Variants in ROBO2 observed in about 807,000 individuals in gnomAD.
The protein encoded by ROBO2 is roundabout guidance receptor 2, also known as roundabout homolog 2.
Under a neutral mutation model 160.8 loss-of-function variants are expected in ROBO2, and 53 were observed. That is an observed-to-expected ratio of 0.33 (90% confidence interval 0.26 to 0.41). The LOEUF (loss-of-function observed/expected upper bound fraction) is 0.41, where lower values mean the gene tolerates loss of function less well. Ranked by LOEUF, ROBO2 falls within the 10% of genes least tolerant of loss-of-function variation. The probability of loss-of-function intolerance (pLI) is 1.00; values close to 1 mark genes in which losing one functional copy is unlikely to be tolerated. For missense variants in ROBO2, 1,577 were observed against 1,722.4 expected (o/e 0.92, Z 1.49); for synonymous variants, 664 against 611.7 (o/e 1.09, Z -1.26).
intron 15 of ROBO2, among the ~76,000 whole-genome samples, chr3:77,578,048 A>C (rs1292542345): frequency 6.6e-6 from 1 of 151,882 alleles, no homozygotes; most frequent in African/African-American, 2.4e-5. Flanking sequence ...GGCAGCACCG[A>C]CTCTCACTCT....
At chr3:76,455,454 T>TA in intron 2 of ROBO2, among the ~76,000 whole-genome samples, 1 of 151,992 alleles carries the variant, frequency 6.6e-6, no homozygotes, top group East Asian at 1.9e-4. Context: ...TTAGAAAAAA[T>TA]AAAAAGAGTA....
intron 2 of ROBO2, among the ~76,000 whole-genome samples, chr3:76,774,724 T>C (rs2062128570): frequency 6.6e-6 from 1 of 150,770 alleles, no homozygotes; most frequent in Non-Finnish European, 1.5e-5. Flanking sequence ...AATCTATGTT[T>C]TTAAAAGGCA....
At chr3:77,411,149 A>T (rs551672799) in intron 2 of ROBO2, among the ~76,000 whole-genome samples, 2 of 152,112 alleles carry the variant, frequency 1.3e-5, no homozygotes, top group African/African-American at 2.4e-5. Context: ...AGAAATAAAA[A>T]TGGCATCATT....
chr3:77,401,482 T>A (rs553582574), intron 2 of ROBO2, among the ~76,000 whole-genome samples: 1 of 152,288 alleles, frequency 6.6e-6, no homozygotes, highest in East Asian at 1.9e-4. Context: ...GATTTTGCAC[T>A]GTACATTTTG....
chr3:77,075,341 A>G (rs911600717), intron 1 of ROBO2, among the ~76,000 whole-genome samples: 27 of 152,158 alleles, frequency 1.8e-4, no homozygotes, highest in Non-Finnish European at 3.7e-4. Flanking sequence ...CATTGAGGCA[A>G]TTGGGAACTT....
At chr3:77,492,603 C>T (rs981902799) in intron 4 of ROBO2, among the ~76,000 whole-genome samples, 10 of 151,742 alleles carry the variant, frequency 6.6e-5, no homozygotes, top group African/African-American at 2.4e-4. Context: ...TTGGAGAAAA[C>T]CTCAAAAAAT....
chr3:76,549,981 G>C (rs1162625755), intron 2 of ROBO2, among the ~76,000 whole-genome samples: 1 of 152,136 alleles, frequency 6.6e-6, no homozygotes, highest in African/African-American at 2.4e-5. Context: ...CTACTGTCAG[G>C]CAGCTAATAA....
chr3:77,588,796 C>T (rs1315335837), exon 17 of ROBO2: 5 of 1,613,426 alleles, frequency 3.1e-6, no homozygotes. Flanking sequence ...AACAGCATAA[C>T]TGAGCAAATC....
intron 2 of ROBO2, among the ~76,000 whole-genome samples, chr3:77,103,939 T>C (rs1039904087): frequency 2.6e-5 from 4 of 152,200 alleles, no homozygotes; most frequent in African/African-American, 9.7e-5. Flanking sequence ...TTTTATTTTA[T>C]TTTGGCTGTA....
intron 16 of ROBO2, among the ~76,000 whole-genome samples, chr3:77,587,009 A>T (rs1395477049): frequency 1.3e-5 from 2 of 152,178 alleles, no homozygotes; most frequent in Non-Finnish European, 2.9e-5. Context: ...AGGAAATGCT[A>T]GCAGCTATAA....
chr3:76,110,980 T>C (rs2070202999), intron 2 of ROBO2, among the ~76,000 whole-genome samples: 1 of 152,158 alleles, frequency 6.6e-6, no homozygotes, highest in Admixed American at 6.6e-5. Context: ...GTTGATTTTT[T>C]CAAAATTTTG....
intron 2 of ROBO2, among the ~76,000 whole-genome samples, chr3:77,237,411 T>TTTTTGTGTGTGTGTG (rs374947657): frequency 4.6e-5 from 6 of 131,046 alleles, no homozygotes; most frequent in Non-Finnish European, 9.7e-5. Flanking sequence ...TTGTTTTGTT[T>TTTTTGTGTGTGTGTG]TGTGTGTGTG....
chr3:77,066,856 A>G lies in ROBO2; in HGVS notation c.61+26010A>G, dbSNP rs774661036. ...TTTTCTCCAAAGAAAAGAAACAGAC[A>G]AATCTTTGGTATCCTTGCACTACTT... On this transcript the variant is annotated intron_variant, in intron 1 of 25. Coordinates refer to ENST00000461745, the Ensembl canonical transcript of ROBO2. Among the ~76,000 whole-genome samples, 11 of 152,242 alleles carry G rather than the reference A, an allele frequency of 7.2e-5. No homozygotes were observed. The East Asian group carries it at 9.7e-4, about 13-fold the overall frequency.
intron 2 of ROBO2, among the ~76,000 whole-genome samples, chr3:76,885,030 C>T (rs4855992): frequency 2.0e-5 from 3 of 151,960 alleles, no homozygotes; most frequent in Non-Finnish European, 2.9e-5. Flanking sequence ...GGATGCAAAT[C>T]GGCTGAAAAG....
At chr3:76,604,880 G>A (rs929746429) in intron 2 of ROBO2, among the ~76,000 whole-genome samples, 2 of 152,102 alleles carry the variant, frequency 1.3e-5, no homozygotes, top group Non-Finnish European at 2.9e-5. Context: ...TTATCTCTAG[G>A]AAAATTGTAA....
intron 1 of ROBO2, among the ~76,000 whole-genome samples, chr3:77,064,835 G>T (rs1358137842): frequency 4.6e-5 from 7 of 152,110 alleles, no homozygotes; most frequent in African/African-American, 1.7e-4. Flanking sequence ...TATTTTCTAT[G>T]ACAAGATATT....
intron 2 of ROBO2, among the ~76,000 whole-genome samples, chr3:76,084,622 A>T (rs1188375214): frequency 1.3e-5 from 2 of 152,156 alleles, no homozygotes; most frequent in African/African-American, 4.8e-5. Flanking sequence ...GATTTCCATT[A>T]TAATATCTGG....
chr3:77,284,113 T>A (rs1361019506), intron 2 of ROBO2, among the ~76,000 whole-genome samples: 1 of 152,056 alleles, frequency 6.6e-6, no homozygotes, highest in Non-Finnish European at 1.5e-5. Flanking sequence ...TTTTGGGAAA[T>A]AAGATTTTAT....
intron 2 of ROBO2, among the ~76,000 whole-genome samples, chr3:76,442,377 T>C (rs1220173428): frequency 2.0e-5 from 3 of 152,166 alleles, no homozygotes; most frequent in Non-Finnish European, 4.4e-5. Context: ...TCTTCAGACG[T>C]TTCTAGTTTT....
Sources: allele counts gnomAD v4.1 joint callset (sites outside exome capture counted in the v4.1 genomes callset), GRCh38; gene constraint gnomAD v4.1.1; transcripts MANE v1.5; gene names NCBI Gene and HGNC (gene_info 2026-07-23, HGNC 2026-07-21).